PARD6G: variants seen among roughly 807,000 people sequenced by gnomAD.
The protein encoded by PARD6G is par-6 family cell polarity regulator gamma, also known as partitioning defective 6 homolog gamma.
A neutral mutation model predicts 10.7 loss-of-function variants in PARD6G; 7 were observed. The observed-to-expected ratio is 0.66, with a 90% confidence interval of 0.37 to 1.23. PARD6G has a LOEUF of 1.23. Among genes scored for constraint, PARD6G ranks in the 50% most tolerant of loss-of-function variants. The pLI, the probability that PARD6G is intolerant of heterozygous loss-of-function variation, is 0.02. For missense variants in PARD6G, 548 were observed against 571.8 expected, an observed-to-expected ratio of 0.96 and a Z score of 0.42; for synonymous variants, 287 against 269.4, an observed-to-expected ratio of 1.07 and a Z score of -0.64.
At chr18:80,226,120 G>GC (rs1371739469) in intron 1 of PARD6G, among the ~76,000 whole-genome samples, 1 of 141,940 alleles carries the variant, frequency 7.0e-6, no homozygotes, top group African/African-American at 2.6e-5. Flanking sequence ...CAGCTACCCA[G>GC]CCCCCTCCCC....
At chr18:80,166,469 T>A (rs1048784143) in intron 2 of PARD6G, among the ~76,000 whole-genome samples, 2 of 149,740 alleles carry the variant, frequency 1.3e-5, no homozygotes, top group African/African-American at 4.9e-5. Context: ...CAGTGGAAAA[T>A]CTCCACCTCC....
intron 1 of PARD6G, among the ~76,000 whole-genome samples, chr18:80,221,703 G>A (rs373538019): frequency 5.3e-5 from 8 of 152,192 alleles, no homozygotes; most frequent in African/African-American, 1.4e-4. Context: ...TTCGACCCAG[G>A]AAAGGCAAGA....
rs1469121197 is a variant in PARD6G, at chr18:80,246,004, C to T, written c.72+1273G>A. On this transcript the variant is annotated intron_variant, in intron 1 of 2. Coordinates refer to ENST00000353265, the MANE Select transcript of PARD6G (RefSeq NM_032510.4). This position sits in a 1 kb window ranked among gnomAD's most constrained non-coding sequence, Gnocchi z 6.7. Reference sequence around the variant, plus strand: ...ATGCTGTTGCTGGGACACCTCCCCGCCTCAATCCTCTGCAGACACCCTGGA... The same window carrying T: ...ATGCTGTTGCTGGGACACCTCCCCGTCTCAATCCTCTGCAGACACCCTGGA... 6.6e-6 allele frequency among the ~76,000 whole-genome samples: 1 copy of T among 152,214 alleles called. No homozygotes were observed. The highest frequency in any genetic ancestry group is 2.4e-5 in the African/African-American group (1 of 41,516).
In PARD6G at chr18:80,211,734, G is replaced by A. The variant is rs577424894; in HGVS notation, c.73-8802C>T. Among the ~76,000 whole-genome samples, 14 of 152,316 alleles carry A rather than the reference G, an allele frequency of 9.2e-5. No individual in the cohort carries two copies. In the East Asian group the frequency reaches 2.7e-3, roughly 29 times the overall value. Reference sequence around the variant, plus strand: ...AATATTATTCCATCTTCAAAAGGAAGGAAATTCTGATGTGCTACAACATGG... The same window carrying A: ...AATATTATTCCATCTTCAAAAGGAAAGAAATTCTGATGTGCTACAACATGG... On this transcript the variant is annotated intron_variant, in intron 1 of 2. Transcript: ENST00000353265.
At chr18:80,213,255 G>A (rs1967126550) in intron 1 of PARD6G, among the ~76,000 whole-genome samples, 1 of 152,172 alleles carries the variant, frequency 6.6e-6, no homozygotes, top group African/African-American at 2.4e-5. Flanking sequence ...GCTGTTCAAA[G>A]AAGGCTTTGA....
chr18:80,244,152 G>A (rs1301181799), intron 1 of PARD6G, among the ~76,000 whole-genome samples: 2 of 152,112 alleles, frequency 1.3e-5, no homozygotes, highest in Admixed American at 6.6e-5. Context: ...AGGTGGCCAA[G>A]GACTCTTGCT....
intron 2 of PARD6G, among the ~76,000 whole-genome samples, chr18:80,196,103 A>C (rs1966953845): frequency 6.6e-6 from 1 of 152,226 alleles, no homozygotes; most frequent in African/African-American, 2.4e-5. Flanking sequence ...TAACAATTTA[A>C]ATAACAATTA....
chr18:80,204,660 T>G (rs943978164), intron 1 of PARD6G, among the ~76,000 whole-genome samples: 2 of 151,356 alleles, frequency 1.3e-5, no homozygotes, highest in African/African-American at 4.9e-5. Flanking sequence ...TTCAAAATAC[T>G]GGCTTGGGGC....
chr18:80,195,610 C>T (rs1262861044), intron 2 of PARD6G, among the ~76,000 whole-genome samples: 5 of 111,182 alleles, frequency 4.5e-5, no homozygotes, highest in African/African-American at 1.3e-4. Context: ...TGACCAGGTG[C>T]GATGGCTCCA....
In PARD6G at chr18:80,235,936, G is replaced by T. The variant is rs561838341; in HGVS notation, c.72+11341C>A. On this transcript the variant is annotated intron_variant, in intron 1 of 2. Coordinates refer to ENST00000353265, the MANE Select transcript of PARD6G (RefSeq NM_032510.4). Reference sequence around the variant, plus strand: ...CTACCAGAGGTACAAGGAGGAGCTGGTACCATTCCTTCTGAAACTATTCCA... The same window carrying T: ...CTACCAGAGGTACAAGGAGGAGCTGTTACCATTCCTTCTGAAACTATTCCA... Among the ~76,000 whole-genome samples the T allele has an allele frequency of 2.1e-3, 323 of 152,278 alleles. 2 individuals are homozygous for T. The highest frequency in any genetic ancestry group is 3.2e-3 in the Non-Finnish European group (216 of 68,026).
At chr18:80,173,229 T>C (rs1051669540) in intron 2 of PARD6G, among the ~76,000 whole-genome samples, 2 of 151,866 alleles carry the variant, frequency 1.3e-5, no homozygotes, top group Non-Finnish European at 2.9e-5. Flanking sequence ...AGGAAGCACG[T>C]TGCTTGGGGC....
intron 2 of PARD6G, among the ~76,000 whole-genome samples, chr18:80,196,537 C>T (rs1966957421): frequency 6.6e-6 from 1 of 152,286 alleles, no homozygotes; most frequent in South Asian, 2.1e-4. Context: ...TCACAGACTC[C>T]AAGCAATATA....
rs747176531 is a variant in PARD6G at position 80,202,786 on chromosome 18, G to A, written c.219C>T (p.Pro73=). 5 of 1,613,892 alleles carry A rather than the reference G, an allele frequency of 3.1e-6. No individual in the cohort carries two copies. The highest frequency in any genetic ancestry group is 3.4e-6 in the Non-Finnish European group (4 of 1,180,010). ...TGCAGAAGTTGTCATCATTGTTGAT[G>A]GGCAGCAGGTCTCCGTGCACATCTG... The part of the protein sequence containing the change: ...GYADVHGDLL[P]INNDDNFCKA... Residue 73 remains proline, a synonymous_variant, in exon 2 of 3, where the codon CCC becomes CCT. Coordinates refer to ENST00000353265, the MANE Select transcript of PARD6G (RefSeq NM_032510.4).
intron 1 of PARD6G, among the ~76,000 whole-genome samples, chr18:80,229,363 C>A (rs956936108): frequency 1.3e-5 from 2 of 152,240 alleles, no homozygotes; most frequent in Non-Finnish European, 2.9e-5. Flanking sequence ...CAGAAATTAC[C>A]TTGGCACAAA....
chr18:80,227,051 G>A (rs1453481575), intron 1 of PARD6G, among the ~76,000 whole-genome samples: 1 of 152,056 alleles, frequency 6.6e-6, no homozygotes, highest in East Asian at 1.9e-4. Context: ...AACCTCCCAG[G>A]CTCTAGCAAT....
rs891832447 is a variant in PARD6G, at chr18:80,181,873, C to T, written c.295+20837G>A. 2.0e-5 allele frequency among the ~76,000 whole-genome samples: 3 copies of T among 152,164 alleles called. No homozygotes were observed. Among genetic ancestry groups the T allele is most frequent in the Non-Finnish European group, 4.4e-5 (3 of 68,026 alleles). ...CCAAGGCTGCCCGGTAGACCTGTCC[C>T]TGGGAGGGAAGCAGCCCAGCCCCGC... is the stretch of plus-strand genomic sequence containing the variant. On this transcript the variant is annotated intron_variant, in intron 2 of 2. Coordinates refer to ENST00000353265, the MANE Select transcript of PARD6G (RefSeq NM_032510.4). The surrounding 1 kb of genome is among the most constrained non-coding windows in gnomAD (Gnocchi z 7.9).
intron 1 of PARD6G, among the ~76,000 whole-genome samples, chr18:80,217,097 C>T (rs369979468): frequency 1.1e-4 from 16 of 151,260 alleles, no homozygotes; most frequent in African/African-American, 3.6e-4. Flanking sequence ...TAAAGAAGTG[C>T]CCCAAAACAA....
At chr18:80,185,322 A>T (rs2052868357) in intron 2 of PARD6G, among the ~76,000 whole-genome samples, 1 of 151,068 alleles carries the variant, frequency 6.6e-6, no homozygotes, top group African/African-American at 2.4e-5. Flanking sequence ...TTTTTTTTTT[A>T]AGAGGCGAAG....
chr18:80,159,677 C>G lies in PARD6G; in HGVS notation c.*94G>C. On this transcript the variant is annotated 3_prime_UTR_variant, in exon 3 of 3. Coordinates refer to ENST00000353265, the MANE Select transcript of PARD6G (RefSeq NM_032510.4). The stretch of plus-strand genomic sequence containing the variant: ...AAGAGCAGCGTTGTTTTTGTGGTCA[C>G]AAAAACAACAAAAAATGAGCGGATG... 2 of 1,317,314 alleles carry G rather than the reference C, an allele frequency of 1.5e-6. No individual in the cohort carries two copies. Among genetic ancestry groups the G allele is most frequent in the Non-Finnish European group, 1.9e-6 (2 of 1,031,476 alleles). 81.6% of individuals were successfully genotyped at this position (1,317,314 alleles called of 1,614,324 possible).
Sources: allele counts gnomAD v4.1 joint callset (sites outside exome capture counted in the v4.1 genomes callset), GRCh38; gene constraint gnomAD v4.1.1; non-coding constraint Gnocchi (gnomAD v3.1); transcripts MANE v1.5; gene names NCBI Gene and HGNC (gene_info 2026-07-23, HGNC 2026-07-21).